The following EXOC2 variants were observed in gnomAD, a reference collection of about 807,000 sequenced individuals.
EXOC2 encodes exocyst complex component 2.
In EXOC2, 70 loss-of-function variants were observed where a neutral mutation model predicts 131.8. That is an observed-to-expected ratio of 0.53 (90% CI 0.44 to 0.65). The LOEUF (loss-of-function observed/expected upper bound fraction) is 0.65. EXOC2 is among the 30% of genes least tolerant of loss of function. The pLI, the probability that EXOC2 is intolerant of heterozygous loss-of-function variation, is 0.00. For synonymous variants in EXOC2, 411 were observed against 398.4 expected (o/e 1.03, Z -0.38); for missense variants, 923 against 1,108.6 (o/e 0.83, Z 2.38).
chr6:674,711 C>G (rs1363936332), intron 1 of EXOC2, among the ~76,000 whole-genome samples: 1 of 147,868 alleles, frequency 6.8e-6, no homozygotes, highest in Non-Finnish European at 1.5e-5. Context: ...TTGTATTAAC[C>G]ATGTTTGTTT....
At chr6:620,925 A>C (rs1424245771) in intron 4 of EXOC2, among the ~76,000 whole-genome samples, 1 of 151,842 alleles carries the variant, frequency 6.6e-6, no homozygotes, top group African/African-American at 2.4e-5. Context: ...AGGTATTCGA[A>C]CCTACTTGAG....
Position 485,996 on chromosome 6 carries a change from A to G in EXOC2, c.*675T>C, listed in dbSNP as rs950320164. On this transcript the variant is annotated 3_prime_UTR_variant, in exon 28 of 28. Transcript: ENST00000230449. ...CGTGCATGTGTAGTGACGCACGACA[A>G]ATTAAGAGTGAGTGAGAATGAAAGC... The G allele has an allele frequency of 6.6e-6, 1 of 152,256 alleles. No individual in the cohort carries two copies. The highest frequency in any genetic ancestry group is 2.4e-5 in the African/African-American group (1 of 41,464). 9.4% of individuals were successfully genotyped at this position (152,256 alleles called of 1,614,324 possible).
intron 27 of EXOC2, 46 bp downstream of exon 27, chr6:488,933 G>C (rs374909257): frequency 3.2e-6 from 5 of 1,570,510 alleles, no homozygotes; most frequent in Non-Finnish European, 4.3e-6. Context: ...ACAAAACCTT[G>C]TTGAGCACAT....
intron 27 of EXOC2, among the ~76,000 whole-genome samples, chr6:488,337 G>A (rs919500352): frequency 1.3e-5 from 2 of 152,228 alleles, no homozygotes; most frequent in Non-Finnish European, 1.5e-5. Context: ...GGGTGGTGAA[G>A]GAATGAAGAC....
At chr6:567,511 G>T (rs1758031414) in intron 13 of EXOC2, among the ~76,000 whole-genome samples, 1 of 152,206 alleles carries the variant, frequency 6.6e-6, no homozygotes, top group African/African-American at 2.4e-5. Flanking sequence ...CTCTAGAAGA[G>T]GAAAGGTCAT....
chr6:520,737 C>T (rs1362085807), intron 23 of EXOC2, among the ~76,000 whole-genome samples: 1 of 138,190 alleles, frequency 7.2e-6, no homozygotes, highest in African/African-American at 2.9e-5. Flanking sequence ...CACGGAGCGC[C>T]GACACTCACC....
At chr6:498,492 T>C (rs1373481193) in intron 24 of EXOC2, among the ~76,000 whole-genome samples, 1 of 152,236 alleles carries the variant, frequency 6.6e-6, no homozygotes, top group African/African-American at 2.4e-5. Context: ...AAAATATTGC[T>C]CCTTATAAAA....
chr6:608,420 A>G (rs1760538855), intron 7 of EXOC2, among the ~76,000 whole-genome samples: 2 of 152,262 alleles, frequency 1.3e-5, no homozygotes, highest in Admixed American at 1.3e-4. Context: ...TGTTATAAAG[A>G]AATGTATTTT....
chr6:523,922 T>A (rs55830055), intron 23 of EXOC2, among the ~76,000 whole-genome samples: 4,355 of 152,256 alleles, frequency 0.029, 99 homozygotes, highest in Admixed American at 0.051. Flanking sequence ...TGTTATTATT[T>A]GAAGGTGATG....
chr6:677,766 C>G (rs113634512), intron 1 of EXOC2, among the ~76,000 whole-genome samples: 454 of 152,286 alleles, frequency 3.0e-3, no homozygotes, highest in Non-Finnish European at 5.0e-3. Flanking sequence ...TGCGCCCAGC[C>G]TTATCCAAGT....
intron 22 of EXOC2, among the ~76,000 whole-genome samples, chr6:542,868 G>C (rs17754342): frequency 0.21 from 31,594 of 152,090 alleles, 3,351 homozygotes; most frequent in Middle Eastern, 0.26. Context: ...AAAGAGGCAA[G>C]AGAGCCAGAT....
chr6:670,650 TCATAGTG>T (rs1763820962), intron 1 of EXOC2, among the ~76,000 whole-genome samples: 3 of 152,226 alleles, frequency 2.0e-5, no homozygotes, highest in Non-Finnish European at 4.4e-5. Context: ...TTTTAAAAAC[TCATAGTG>T]TCTACACTGA....
At chr6:662,068 T>C (rs1245672526) in intron 1 of EXOC2, among the ~76,000 whole-genome samples, 1 of 152,234 alleles carries the variant, frequency 6.6e-6, no homozygotes, top group Non-Finnish European at 1.5e-5. Flanking sequence ...AGGGACATTA[T>C]GTAATGGTAA....
chr6:650,280 G>A (rs541883965), intron 1 of EXOC2, among the ~76,000 whole-genome samples: 32 of 152,236 alleles, frequency 2.1e-4, no homozygotes, highest in African/African-American at 6.5e-4. Flanking sequence ...TCACTTTTAC[G>A]CACTGTGAAA....
At chr6:578,807 T>C (rs1758729422) in intron 11 of EXOC2, among the ~76,000 whole-genome samples, 1 of 152,214 alleles carries the variant, frequency 6.6e-6, no homozygotes, top group Admixed American at 6.5e-5. Flanking sequence ...GAAAGTATTT[T>C]TTTCTAATTG....
intron 25 of EXOC2, among the ~76,000 whole-genome samples, chr6:493,368 G>A (rs758489003): frequency 3.3e-5 from 5 of 152,146 alleles, no homozygotes; most frequent in South Asian, 2.1e-4. Flanking sequence ...TCTAGTATAG[G>A]TAAAAACAGA....
At chr6:621,209 G>A (rs944026188) in intron 4 of EXOC2, among the ~76,000 whole-genome samples, 2 of 152,200 alleles carry the variant, frequency 1.3e-5, no homozygotes, top group Non-Finnish European at 2.9e-5. Context: ...TGTCCATGCA[G>A]GCTCTGTGTC....
intron 21 of EXOC2, among the ~76,000 whole-genome samples, chr6:553,434 C>T (rs1339489436): frequency 6.6e-6 from 1 of 150,472 alleles, no homozygotes; most frequent in Non-Finnish European, 1.5e-5. Flanking sequence ...TGAGGCTGTG[C>T]TCAAATAAAA....
rs202130748 is a variant in EXOC2 at position 497,356 on chromosome 6, G to A, written c.2559+11C>T. The A allele has an allele frequency of 1.2e-6, 2 of 1,610,848 alleles. No individual in the cohort carries two copies. The highest frequency in any genetic ancestry group is 1.7e-6 in the Non-Finnish European group (2 of 1,178,690). ...ACAGAAGTTCAATATGAAATTGAAT[G>A]ATTTTGTTACCTGTAAAGCTCCATT... On this transcript the variant is annotated intron_variant, in intron 25 of 27. Transcript: ENST00000230449.
Sources: allele counts gnomAD v4.1 joint callset (sites outside exome capture counted in the v4.1 genomes callset), GRCh38; gene constraint gnomAD v4.1.1; transcripts MANE v1.5; gene names NCBI Gene and HGNC (gene_info 2026-07-23, HGNC 2026-07-21).